COL24A1: variants seen among roughly 807,000 people sequenced by gnomAD.
The protein encoded by COL24A1 is collagen type XXIV alpha 1 chain.
A neutral mutation model predicts 253.9 loss-of-function variants in COL24A1; 224 were observed. That is an observed-to-expected ratio of 0.88 (90% CI 0.79 to 0.99). The LOEUF is 0.99. Ranked by LOEUF, COL24A1 falls within the 50% of genes least tolerant of loss-of-function variation. The probability of loss-of-function intolerance (pLI) is 0.00; values close to 1 mark genes in which losing one functional copy is unlikely to be tolerated. For synonymous variants in COL24A1, 685 were observed against 673.7 expected (o/e 1.02, Z -0.26); for missense variants, 2,131 against 2,068.5 (o/e 1.03, Z -0.59).
rs768617200 is a variant in COL24A1 at position 85,783,563 on chromosome 1, A to C, written c.4222-5T>G. The C allele has an allele frequency of 6.8e-6, 11 of 1,612,788 alleles. No individual in the cohort carries two copies. In the South Asian group the frequency reaches 1.1e-4, roughly 16 times the overall value. On this transcript the variant is annotated splice_region_variant and splice_polypyrimidine_tract_variant and intron_variant, in intron 50 of 59. Coordinates refer to ENST00000370571, the MANE Select transcript of COL24A1 (RefSeq NM_152890.7). ...GCCAGCATCCCCTTCAGGACCCTAG[A>C]CATACAATAAGAAACAAAAAGATAA...
At chr1:85,894,672 A>G (rs1340892961) in intron 31 of COL24A1, among the ~76,000 whole-genome samples, 2 of 152,188 alleles carry the variant, frequency 1.3e-5, no homozygotes, top group African/African-American at 4.8e-5. Flanking sequence ...TATCAATATA[A>G]TAGAAACTCA....
intron 11 of COL24A1, 36 bp downstream of exon 11, chr1:86,050,088 C>G (rs1413641000): frequency 1.3e-6 from 2 of 1,575,250 alleles, no homozygotes; most frequent in Non-Finnish European, 1.7e-6. Flanking sequence ...ACAAGTATAT[C>G]ACTTTAGAAA....
intron 12 of COL24A1, chr1:86,045,692 C>T (rs1005739995): frequency 4.1e-6 from 1 of 241,012 alleles, no homozygotes; most frequent in African/African-American, 2.3e-5. Flanking sequence ...GCAGTTTCTA[C>T]TGTTATAACC....
intron 28 of COL24A1, among the ~76,000 whole-genome samples, chr1:85,902,656 G>C (rs1362078290): frequency 6.6e-6 from 1 of 152,134 alleles, no homozygotes; most frequent in Non-Finnish European, 1.5e-5. Context: ...ATGGGGGCTG[G>C]AGGTGATCTC....
intron 3 of COL24A1, among the ~76,000 whole-genome samples, chr1:86,122,587 T>G (rs4144875): frequency 0.73 from 110,100 of 151,750 alleles, 39,911 homozygotes; most frequent in Middle Eastern, 0.77. Flanking sequence ...ACTTTCCCTC[T>G]TAATTACAGT....
chr1:86,068,662 C>A (rs1162528669), intron 7 of COL24A1, among the ~76,000 whole-genome samples: 4 of 152,106 alleles, frequency 2.6e-5, no homozygotes, highest in African/African-American at 7.2e-5. Context: ...AGTGTGAGCA[C>A]CATTCCTTCC....
At chr1:85,763,920 CG>C (rs1229706334) in intron 53 of COL24A1, among the ~76,000 whole-genome samples, 1 of 152,154 alleles carries the variant, frequency 6.6e-6, no homozygotes, top group Admixed American at 6.5e-5. Flanking sequence ...AATTTACATA[CG>C]ATCCTCCAAA....
intron 43 of COL24A1, among the ~76,000 whole-genome samples, chr1:85,829,126 CA>C (rs1674826617): frequency 6.7e-6 from 1 of 149,446 alleles, no homozygotes; most frequent in Non-Finnish European, 1.5e-5. Flanking sequence ...CTGGTGGTGA[CA>C]AAATGTCTCA....
chr1:85,988,822 G>A (rs919235873), intron 19 of COL24A1, among the ~76,000 whole-genome samples: 1 of 152,092 alleles, frequency 6.6e-6, no homozygotes, highest in Non-Finnish European at 1.5e-5. Flanking sequence ...GGACACGAAT[G>A]CCTCGACTCA....
chr1:85,820,423 G>T (rs1673503373), intron 45 of COL24A1, among the ~76,000 whole-genome samples: 1 of 152,146 alleles, frequency 6.6e-6, no homozygotes, highest in African/African-American at 2.4e-5. Flanking sequence ...GGCCTGAGGA[G>T]GTCTTGTACC....
chr1:85,956,892 T>C (rs1386166226), intron 24 of COL24A1, among the ~76,000 whole-genome samples: 1 of 152,168 alleles, frequency 6.6e-6, no homozygotes, highest in Non-Finnish European at 1.5e-5. Flanking sequence ...TCTAAAATAC[T>C]TTAGTTTTGT....
At chr1:86,110,123 A>T (rs567904091) in intron 5 of COL24A1, among the ~76,000 whole-genome samples, 26 of 152,028 alleles carry the variant, frequency 1.7e-4, no homozygotes, top group South Asian at 6.2e-4. Context: ...GAAAATATAT[A>T]TTGGGAATGG....
chr1:86,067,340 T>C (rs911948127), intron 7 of COL24A1, among the ~76,000 whole-genome samples: 1 of 152,104 alleles, frequency 6.6e-6, no homozygotes, highest in African/African-American at 2.4e-5. Context: ...TCAAAGATAA[T>C]TATAAGTTAG....
rs1669350896 is a variant in COL24A1 at position 85,783,543 on chromosome 1, C to G, written c.4237G>C (p.Ala1413Pro). The G allele has an allele frequency of 1.9e-6, 3 of 1,613,334 alleles. No homozygotes were observed. The East Asian group carries it at 6.7e-5, about 36-fold the overall frequency. Residue 1413 changes from alanine to proline, a missense_variant, in exon 51 of 60, where the codon GCT (alanine) becomes CCT (proline). Transcript: ENST00000370571. ...GGACCTGATATCCCAACAATGCCAG[C>G]ATCCCCTTCAGGACCCTAGACATAC... is the stretch of plus-strand genomic sequence containing the variant. ...FPGPKGPEGD[A>P]GIVGISGPKG...
At chr1:86,059,409 T>C (rs1413983019) in intron 8 of COL24A1, among the ~76,000 whole-genome samples, 2 of 152,156 alleles carry the variant, frequency 1.3e-5, no homozygotes, top group Non-Finnish European at 2.9e-5. Flanking sequence ...ATCATAAATC[T>C]AGGATGGAAA....
chr1:85,900,892 TA>T (rs1177764100), intron 28 of COL24A1, among the ~76,000 whole-genome samples: 2 of 151,984 alleles, frequency 1.3e-5, no homozygotes, highest in East Asian at 3.9e-4. Flanking sequence ...TTTAGCACCA[TA>T]TACAAAAATC....
chr1:85,809,743 A>T (rs769747142), intron 47 of COL24A1, among the ~76,000 whole-genome samples: 1 of 148,956 alleles, frequency 6.7e-6, no homozygotes, highest in Admixed American at 6.7e-5. Flanking sequence ...TGTTTTTATT[A>T]TGGAGATATA....
chr1:85,787,464 T>A (rs1669806827), intron 47 of COL24A1, among the ~76,000 whole-genome samples: 2 of 152,138 alleles, frequency 1.3e-5, no homozygotes, highest in Non-Finnish European at 2.9e-5. Context: ...CATGATATGT[T>A]TGATTTTCTG....
intron 20 of COL24A1, among the ~76,000 whole-genome samples, chr1:85,986,936 G>A (rs978782813): frequency 2.6e-5 from 4 of 151,774 alleles, no homozygotes; most frequent in African/African-American, 7.2e-5. Context: ...AGCTTGCATG[G>A]CAAATCTTGG....
Sources: allele counts gnomAD v4.1 joint callset (sites outside exome capture counted in the v4.1 genomes callset), GRCh38; gene constraint gnomAD v4.1.1; transcripts MANE v1.5; gene names NCBI Gene and HGNC (gene_info 2026-07-23, HGNC 2026-07-21).